Variants in MYH13 observed in about 807,000 individuals in gnomAD.
MYH13 encodes myosin-13.
A neutral mutation model predicts 232.1 loss-of-function variants in MYH13; 177 were observed. That is an observed-to-expected ratio of 0.76 (90% confidence interval 0.67 to 0.86). MYH13 has a LOEUF of 0.86. Ranked by LOEUF, MYH13 falls within the 40% of genes least tolerant of loss-of-function variation. The probability of loss-of-function intolerance (pLI) is 0.00; values close to 1 mark genes in which losing one functional copy is unlikely to be tolerated. For synonymous variants in MYH13, 884 were observed against 923.5 expected, an observed-to-expected ratio of 0.96 and a Z score of 0.78; for missense variants, 2,246 against 2,405.9, an observed-to-expected ratio of 0.93 and a Z score of 1.39.
At chr17:10,369,096 A>G (rs1331724190) in intron 2 of MYH13, among the ~76,000 whole-genome samples, 2 of 152,214 alleles carry the variant, frequency 1.3e-5, no homozygotes, top group African/African-American at 4.8e-5. Context: ...TAATATTTGT[A>G]TGCTTATTTT....
chr17:10,330,102 C>T (rs1181266535), intron 21 of MYH13, among the ~76,000 whole-genome samples: 1 of 152,126 alleles, frequency 6.6e-6, no homozygotes, highest in Non-Finnish European at 1.5e-5. Flanking sequence ...TGCCAGTTCC[C>T]TATCCCCCGA....
At chr17:10,322,697 A>C (rs547840607) in intron 23 of MYH13, among the ~76,000 whole-genome samples, 39 of 136,556 alleles carry the variant, frequency 2.9e-4, no homozygotes, top group African/African-American at 9.3e-4. Flanking sequence ...GCAGTGGCGC[A>C]GTCTCAGCTC....
intron 2 of MYH13, among the ~76,000 whole-genome samples, chr17:10,369,977 T>C (rs2071866249): frequency 6.6e-6 from 1 of 152,246 alleles, no homozygotes; most frequent in African/African-American, 2.4e-5. Flanking sequence ...TGTGTTCTGC[T>C]TAGCTTTATC....
At position 10,328,084 on chromosome 17, in the gene MYH13, A is replaced by G. The variant is rs770293589; in HGVS notation, c.2473T>C (p.Phe825Leu). 3 of 1,614,100 alleles carry G rather than the reference A, an allele frequency of 1.9e-6. No individual in the cohort carries two copies. Among genetic ancestry groups the G allele is most frequent in the Non-Finnish European group, 2.5e-6 (3 of 1,180,010 alleles). ...CAGGGCCAGTGCTTGACGTTCATAA[A>G]AGAGCGGATGTTGTACTGGATGCAG... is the stretch of plus-strand genomic sequence containing the variant. ...IFCIQYNIRSFMNVKHWPWMN... is the reference protein window; with the variant it reads ...IFCIQYNIRSLMNVKHWPWMN... Residue 825 changes from phenylalanine to leucine, a missense_variant, in exon 22 of 41, where the codon TTT becomes CTT. Physicochemically the swap from Phe to Leu is conservative, Grantham distance 22. Transcript: ENST00000252172.
chr17:10,313,479 A>T (rs1906593730), intron 29 of MYH13, 125 bp from the exon 30 acceptor site: 2 of 1,407,846 alleles, frequency 1.4e-6, no homozygotes, highest in Admixed American at 4.6e-5. Context: ...ATTTTGCCAT[A>T]TCAGCATATC....
At chr17:10,350,876 GGTGA>G in intron 11 of MYH13, 182 bp from the exon 12 acceptor site, 2 of 765,882 alleles carry the variant, frequency 2.6e-6, no homozygotes, top group Non-Finnish European at 2.2e-6. Context: ...TGTGTGGGTG[GGTGA>G]AGACTATGGG....
At chr17:10,316,853 G>A (rs1906733288) in intron 27 of MYH13, among the ~76,000 whole-genome samples, 1 of 152,138 alleles carries the variant, frequency 6.6e-6, no homozygotes, top group South Asian at 2.1e-4. Context: ...AAAATAAAAT[G>A]TATAGAGCAT....
intron 18 of MYH13, among the ~76,000 whole-genome samples, chr17:10,334,121 G>A (rs897756464): frequency 2.6e-5 from 4 of 152,160 alleles, no homozygotes; most frequent in East Asian, 1.9e-4. Flanking sequence ...ATCAAACTAG[G>A]ATGGAGAAAA....
At chr17:10,337,830 A>C (rs112870238) in intron 18 of MYH13, among the ~76,000 whole-genome samples, 36,032 of 152,066 alleles carry the variant, frequency 0.24, 4,804 homozygotes, top group East Asian at 0.51. Context: ...TGAGGTGGGC[A>C]TATCACGAGG....
intron 18 of MYH13, among the ~76,000 whole-genome samples, chr17:10,337,827 G>A (rs539141380): frequency 2.0e-5 from 3 of 152,310 alleles, no homozygotes; most frequent in African/African-American, 7.2e-5. Context: ...GGCTGAGGTG[G>A]GCATATCACG....
At position 10,317,125 on chromosome 17, in the gene MYH13, C is replaced by T. The variant is rs1050722021; in HGVS notation, c.3739-1100G>A. 6.6e-5 allele frequency among the ~76,000 whole-genome samples: 10 copies of T among 152,246 alleles called. No homozygotes were observed. The South Asian group carries it at 2.1e-3, about 32-fold the overall frequency. On this transcript the variant is annotated intron_variant, in intron 27 of 40. Coordinates refer to ENST00000252172, the MANE Select transcript of MYH13 (RefSeq NM_003802.3). ...GAACAGAGAGCAGCACACGGCAATT[C>T]TGGAGATAGGGAGGCTGGAGTGGGG...
intron 13 of MYH13, among the ~76,000 whole-genome samples, chr17:10,346,008 A>AG (rs2071663453): frequency 7.0e-6 from 1 of 142,426 alleles, no homozygotes; most frequent in Non-Finnish European, 1.5e-5. Flanking sequence ...AAAAAAAAAA[A>AG]AAAAACAAAA....
intron 11 of MYH13, among the ~76,000 whole-genome samples, chr17:10,351,179 C>G (rs1165664067): frequency 1.4e-5 from 2 of 138,954 alleles, no homozygotes; most frequent in Non-Finnish European, 3.1e-5. Flanking sequence ...CAAGATTGTA[C>G]CATTGCACTC....
rs902590181 is a variant in MYH13 at position 10,333,075 on chromosome 17, G to A, written c.2173C>T (p.Arg725Trp). ...SRILYADFKQ[R>W]YRILNASAIP... ...ATGCACAGGAGAGAGGGAACCTACC[G>A]CTGCTTGAAGTCAGCATAGAGGATC... The change falls in exon 19 of 41, where the codon CGG becomes TGG. Residue 725 changes from arginine (R) to tryptophan (W), a missense_variant and splice_region_variant. Transcript: ENST00000252172. 2.0e-5 allele frequency: 31 copies of A among 1,546,664 alleles called. No homozygotes were observed. The highest frequency in any genetic ancestry group is 8.2e-5 in the African/African-American group (6 of 72,972).
intron 7 of MYH13, among the ~76,000 whole-genome samples, chr17:10,359,281 T>C (rs1035770000): frequency 6.6e-6 from 1 of 152,116 alleles, no homozygotes; most frequent in African/African-American, 2.4e-5. Flanking sequence ...GTTGAGTCAA[T>C]CATCAATGGC....
chr17:10,313,157 C>A lies in MYH13; in HGVS notation c.4181+1G>T. ...TGCTATTGCCACCCTGGAGCCCCTA[C>A]TTGGCCTCCTCCAGCTCCTCTGTGC... On this transcript the variant is annotated splice_donor_variant, in intron 30 of 40. Transcript: ENST00000252172. LOFTEE classifies it high-confidence loss of function. The A allele has an allele frequency of 6.2e-7, 1 of 1,614,114 alleles. No homozygotes were observed. Among genetic ancestry groups the A allele is most frequent in the Non-Finnish European group, 8.5e-7 (1 of 1,179,960 alleles).
chr17:10,346,873 C>A lies in MYH13; in HGVS notation c.1145-75G>T. 3.7e-6 allele frequency: 4 copies of A among 1,081,688 alleles called. 1 individual carries two copies. Among genetic ancestry groups the A allele is most frequent in the Non-Finnish European group, 5.6e-6 (4 of 720,248 alleles). The allele number at this position is 1,081,688 out of a possible 1,614,324, so 67.0% of individuals were successfully genotyped here. A position where few individuals can be genotyped will look rare whatever the true frequency, so the allele number is the denominator to read the frequency against. On this transcript the variant is annotated intron_variant, in intron 12 of 40. Coordinates refer to ENST00000252172, the MANE Select transcript of MYH13 (RefSeq NM_003802.3). ...GTGTCCAGTCAGCCCCTGGCTTCTC[C>A]CAGAAGTGTTTTCTGTAATTTTCTT...
Position 10,313,231 on chromosome 17 carries a change from T to C in MYH13, c.4108A>G (p.Ser1370Gly). Residue 1370 changes from serine to glycine, a missense_variant, in exon 30 of 41, where the codon AGT (serine) becomes GGT (glycine). By Grantham distance (56) the Ser-to-Gly change is moderately conservative (BLOSUM62 0). Coordinates refer to ENST00000252172, the MANE Select transcript of MYH13 (RefSeq NM_003802.3). ...ELQRALSKAN[S>G]EVAQWRTKYE... ...TTGGTCCTCCACTGGGCAACCTCAC[T>C]GTTGGCCTTGGACAGCGCCCTCTGC... The C allele has an allele frequency of 6.2e-7, 1 of 1,614,206 alleles. No homozygotes were observed. The highest frequency in any genetic ancestry group is 8.5e-7 in the Non-Finnish European group (1 of 1,180,034).
At chr17:10,316,187 G>A (rs1013240827) in intron 27 of MYH13, among the ~76,000 whole-genome samples, 162 bp from the exon 28 acceptor site, 3 of 152,134 alleles carry the variant, frequency 2.0e-5, no homozygotes, top group East Asian at 1.9e-4. Context: ...TCGGCCAGGC[G>A]CAGTGGCTCA....
Sources: allele counts gnomAD v4.1 joint callset (sites outside exome capture counted in the v4.1 genomes callset), GRCh38; gene constraint gnomAD v4.1.1; transcripts MANE v1.5; gene names NCBI Gene and HGNC (gene_info 2026-07-23, HGNC 2026-07-21).